The following TBL1XR1 variants were observed in gnomAD, a reference collection of about 807,000 sequenced individuals.
TBL1XR1 encodes F-box-like/WD repeat-containing protein TBL1XR1.
In TBL1XR1, 5 loss-of-function variants were observed where a neutral mutation model predicts 66.9. The ratio of observed to expected loss-of-function variants is 0.07; its 90% CI spans 0.04 to 0.16. The LOEUF (loss-of-function observed/expected upper bound fraction) is 0.16, where lower values mean the gene tolerates loss of function less well. TBL1XR1 is among the 10% of genes least tolerant of loss of function. The pLI, the probability that TBL1XR1 is intolerant of heterozygous loss-of-function variation, is 1.00. For missense variants in TBL1XR1, 238 were observed against 623.2 expected (o/e 0.38, Z 6.58); for synonymous variants, 210 against 206.0 (o/e 1.02, Z -0.17).
chr3:177,133,305 TAAATA>T (rs1728520048), intron 1 of TBL1XR1, among the ~76,000 whole-genome samples: 1 of 151,898 alleles, frequency 6.6e-6, no homozygotes, highest in South Asian at 2.1e-4. Context: ...AAAAAATAAA[TAAATA>T]AAATAAATAA....
At chr3:177,153,877 C>CAAA (rs1007822226) in intron 1 of TBL1XR1, among the ~76,000 whole-genome samples, 12 of 43,070 alleles carry the variant, frequency 2.8e-4, no homozygotes, top group Middle Eastern at 0.011. Flanking sequence ...AACTCCATCT[C>CAAA]AAAAAAAAAA....
At chr3:177,047,271 TG>T in intron 9 of TBL1XR1, 28 bp downstream of exon 9, 1 of 1,507,736 alleles carries the variant, frequency 6.6e-7, no homozygotes, top group South Asian at 1.2e-5. Flanking sequence ...GTAATACATT[TG>T]CCTTTACAGA....
chr3:177,129,899 C>T (rs9849990), intron 1 of TBL1XR1, among the ~76,000 whole-genome samples: 132 of 152,104 alleles, frequency 8.7e-4, no homozygotes, highest in African/African-American at 3.1e-3. Flanking sequence ...AATCCCAGCA[C>T]TTTGGGAGGC....
At chr3:177,128,814 TGATA>T (rs933970989) in intron 1 of TBL1XR1, among the ~76,000 whole-genome samples, 1 of 152,240 alleles carries the variant, frequency 6.6e-6, no homozygotes, top group African/African-American at 2.4e-5. Context: ...GAAATATCTC[TGATA>T]GAGTTCCTTT....
chr3:177,112,107 A>ATATATATATATATT, intron 1 of TBL1XR1, among the ~76,000 whole-genome samples: 3 of 37,644 alleles, frequency 8.0e-5, no homozygotes, highest in South Asian at 1.1e-3. Context: ...ATATATATAT[A>ATATATATATATATT]TTTTTTTTTT....
intron 14 of TBL1XR1, among the ~76,000 whole-genome samples, chr3:177,030,334 G>A (rs1358073284): frequency 1.3e-5 from 2 of 151,254 alleles, no homozygotes; most frequent in Non-Finnish European, 2.9e-5. Flanking sequence ...TAATGCTCTG[G>A]AATAGTCTAA....
intron 2 of TBL1XR1, among the ~76,000 whole-genome samples, chr3:177,071,634 C>T (rs1451416421): frequency 1.3e-5 from 2 of 152,186 alleles, no homozygotes; most frequent in African/African-American, 4.8e-5. Flanking sequence ...CAACATCCAT[C>T]CCCCACAGGG....
intron 1 of TBL1XR1, among the ~76,000 whole-genome samples, chr3:177,103,887 AG>A (rs1267556869): frequency 2.6e-5 from 4 of 152,130 alleles, no homozygotes; most frequent in African/African-American, 9.7e-5. Flanking sequence ...AGGCCAAGGC[AG>A]GGAGATCACT....
At chr3:177,075,855 A>T (rs916418108) in intron 2 of TBL1XR1, among the ~76,000 whole-genome samples, 1 of 152,162 alleles carries the variant, frequency 6.6e-6, no homozygotes, top group African/African-American at 2.4e-5. Context: ...AGAAGTCCAA[A>T]ATCAAGGTGT....
At chr3:177,159,453 A>C (rs1304771439) in intron 1 of TBL1XR1, among the ~76,000 whole-genome samples, 1 of 152,170 alleles carries the variant, frequency 6.6e-6, no homozygotes, top group African/African-American at 2.4e-5. Context: ...TAGAAAAGTC[A>C]ATATATATAA....
At chr3:177,150,155 T>G (rs1484859668) in intron 1 of TBL1XR1, among the ~76,000 whole-genome samples, 2 of 152,200 alleles carry the variant, frequency 1.3e-5, no homozygotes, top group Non-Finnish European at 2.9e-5. Context: ...AATCAAGATG[T>G]TGTCAACCAA....
intron 1 of TBL1XR1, among the ~76,000 whole-genome samples, chr3:177,155,289 T>C (rs1731357347): frequency 6.6e-6 from 1 of 152,118 alleles, no homozygotes; most frequent in South Asian, 2.1e-4. Context: ...AACAAATCAA[T>C]AAAACTGATA....
At chr3:177,191,098 T>G (rs147009427) in intron 1 of TBL1XR1, among the ~76,000 whole-genome samples, 1 of 152,104 alleles carries the variant, frequency 6.6e-6, no homozygotes, top group South Asian at 2.1e-4. Context: ...AACTACCGTA[T>G]TTGAGAGGCC....
At chr3:177,129,308 C>T (rs1316070492) in intron 1 of TBL1XR1, among the ~76,000 whole-genome samples, 1 of 152,156 alleles carries the variant, frequency 6.6e-6, no homozygotes, top group East Asian at 1.9e-4. Context: ...GAAAATGATT[C>T]CCTACTCAAG....
intron 1 of TBL1XR1, among the ~76,000 whole-genome samples, chr3:177,169,223 T>C (rs963197550): frequency 1.7e-4 from 26 of 152,220 alleles, no homozygotes; most frequent in Admixed American, 9.2e-4. Context: ...GGATACCAAT[T>C]TCTTTAGATT....
At chr3:177,029,696 A>G (rs1193734612) in intron 14 of TBL1XR1, among the ~76,000 whole-genome samples, 2 of 152,160 alleles carry the variant, frequency 1.3e-5, no homozygotes, top group Non-Finnish European at 2.9e-5. Flanking sequence ...AGAAAATAAA[A>G]AAGAAGGTAC....
intron 1 of TBL1XR1, among the ~76,000 whole-genome samples, chr3:177,179,017 G>T (rs142532623): frequency 6.6e-6 from 1 of 151,366 alleles, no homozygotes; most frequent in East Asian, 1.9e-4. Context: ...CTCGGGAGGC[G>T]GAGGCAAGAG....
chr3:177,072,736 T>A (rs1282482553), intron 2 of TBL1XR1, among the ~76,000 whole-genome samples: 1 of 152,196 alleles, frequency 6.6e-6, no homozygotes, highest in Non-Finnish European at 1.5e-5. Context: ...AATATAGTTA[T>A]TCAGACTGGG....
At chr3:177,082,894 T>A (rs1381767971) in intron 2 of TBL1XR1, among the ~76,000 whole-genome samples, 1 of 150,780 alleles carries the variant, frequency 6.6e-6, no homozygotes, top group East Asian at 1.9e-4. Context: ...TAGCTGGGAC[T>A]ACAGGCGACC....
Sources: gnomAD v4.1 joint callset for allele counts (sites outside exome capture counted in the v4.1 genomes callset) on GRCh38, gnomAD v4.1.1 for gene constraint, MANE v1.5 for transcripts, NCBI Gene and HGNC (gene_info 2026-07-23, HGNC 2026-07-21) for gene names.